Variants in FXR1 observed in about 807,000 individuals in gnomAD.
FXR1 encodes the protein FMR1 autosomal homolog 1, also known as RNA-binding protein FXR1.
FXR1 carries 15 observed loss-of-function variants against 84.0 expected under a neutral mutation model. The ratio of observed to expected loss-of-function variants is 0.18; its 90% confidence interval spans 0.12 to 0.27. The LOEUF (loss-of-function observed/expected upper bound fraction) is 0.27, where lower values mean the gene tolerates loss of function less well. Among genes scored for constraint, FXR1 ranks in the 10% least tolerant of loss-of-function variants. FXR1 has a pLI of 1.00. For missense variants in FXR1, 480 were observed against 774.4 expected (o/e 0.62, Z 4.51); for synonymous variants, 245 against 250.7 (o/e 0.98, Z 0.21).
intron 13 of FXR1, among the ~76,000 whole-genome samples, chr3:180,967,551 T>A (rs1712991679): frequency 6.6e-6 from 1 of 151,780 alleles, no homozygotes; most frequent in Non-Finnish European, 1.5e-5. Context: ...CTAATATTGA[T>A]AAATGATGTT....
chr3:180,915,054 A>G (rs1302911489), intron 1 of FXR1: 2 of 361,558 alleles, frequency 5.5e-6, no homozygotes, highest in Non-Finnish European at 7.8e-6. Flanking sequence ...CTCTCTGTCT[A>G]ACATGAGGGG....
At chr3:180,918,067 T>TA (rs1468340993) in intron 1 of FXR1, among the ~76,000 whole-genome samples, 1 of 152,098 alleles carries the variant, frequency 6.6e-6, no homozygotes, top group Non-Finnish European at 1.5e-5. Context: ...AAGCACATCT[T>TA]ACCTATCTAG....
intron 2 of FXR1, among the ~76,000 whole-genome samples, chr3:180,934,187 C>T (rs906564277): frequency 1.3e-5 from 2 of 152,100 alleles, no homozygotes; most frequent in Non-Finnish European, 2.9e-5. Context: ...CTGGAATTGC[C>T]TGAAAAGATC....
chr3:180,968,159 G>C lies in FXR1; in HGVS notation c.1307G>C (p.Arg436Pro). 2 of 1,613,648 alleles carry C rather than the reference G, an allele frequency of 1.2e-6. No homozygotes were observed. The highest frequency in any genetic ancestry group is 1.7e-6 in the Non-Finnish European group (2 of 1,179,518). ...GEDDRDSRHQ[R>P]DSRRRPGGRG... ...GATGATCGAGACAGCCGACATCAGC[G>C]TGACAGCAGGAGACGCCCAGGAGGA... The change falls in exon 14 of 17, where the codon CGT becomes CCT. Residue 436 changes from arginine to proline, a missense_variant. Around this residue, in one of 6 missense-constraint regions of FXR1, gnomAD observed 157 missense variants for 227.8 expected, o/e 0.69. Transcript: ENST00000357559.
rs1330291398 is a variant in FXR1, at chr3:180,949,288, T to C, written c.575T>C (p.Ile192Thr). The C allele has an allele frequency of 6.2e-7, 1 of 1,605,808 alleles. No homozygotes were observed. Among genetic ancestry groups the C allele is most frequent in the Non-Finnish European group, 8.5e-7 (1 of 1,172,352 alleles). ...TTAAGTGACATGCATTTGCGAAGTA[T>C]TCGTACGAAGTTGATGCTTATGTCC... ...NILSDMHLRS[I>T]RTKLMLMSRN... Residue 192 changes from isoleucine (I) to threonine (T), a missense_variant, in exon 7 of 17, where the codon ATT becomes ACT. By Grantham distance (89) the Ile-to-Thr change is moderately conservative (BLOSUM62 -1). Around this residue, in one of 6 missense-constraint regions of FXR1, gnomAD observed 136 missense variants for 315.4 expected, o/e 0.43. Coordinates refer to ENST00000357559, the MANE Select transcript of FXR1 (RefSeq NM_005087.4).
Position 180,932,153 on chromosome 3 carries a change from C to A in FXR1, c.52-1181C>A, listed in dbSNP as rs189689939. On this transcript the variant is annotated intron_variant, in intron 1 of 16. Transcript: ENST00000357559. ...TTCTCTTCTTTCTTTTGGGTTTATT[C>A]CTTCAAATCTCTTTACTGTTAGTTA... Among the ~76,000 whole-genome samples the A allele has an allele frequency of 2.2e-5, 3 of 136,300 alleles. No homozygotes were observed. In the East Asian group the frequency reaches 6.8e-4, roughly 31 times the overall value. The allele number at this position is 136,300 out of a possible 152,430, so 89.4% of individuals were successfully genotyped here.
chr3:180,933,477 T>C, intron 2 of FXR1, 91 bp downstream of exon 2: 1 of 742,546 alleles, frequency 1.3e-6, no homozygotes, highest in South Asian at 1.5e-5. Context: ...AGTGGAAAAA[T>C]GATTTTGCTT....
intron 9 of FXR1, among the ~76,000 whole-genome samples, chr3:180,957,223 A>G (rs978607171): frequency 7.2e-5 from 11 of 152,206 alleles, no homozygotes; most frequent in African/African-American, 2.4e-4. Flanking sequence ...ATGTAATTTT[A>G]CAATATTTTA....
intron 1 of FXR1, among the ~76,000 whole-genome samples, chr3:180,925,090 G>A (rs1471788067): frequency 5.3e-5 from 8 of 152,046 alleles, no homozygotes; most frequent in East Asian, 1.9e-4. Context: ...CTGGCCGGGC[G>A]CGATGGCTCA....
chr3:180,947,758 G>A, intron 3 of FXR1, 107 bp from the exon 4 acceptor site: 1 of 512,442 alleles, frequency 2.0e-6, no homozygotes, highest in Non-Finnish European at 3.5e-6. Flanking sequence ...AAATAAAATA[G>A]CATTTTTCAT....
chr3:180,916,447 ACAGTGGTGGGAGCG>A (rs913869269), intron 1 of FXR1, among the ~76,000 whole-genome samples: 12 of 152,312 alleles, frequency 7.9e-5, no homozygotes, highest in East Asian at 1.9e-4. Flanking sequence ...GGGTGGGAGC[ACAGTGGTGGGAGCG>A]CAGTGGTGCG....
intron 1 of FXR1, chr3:180,915,346 A>G: frequency 3.5e-6 from 2 of 578,498 alleles, no homozygotes; most frequent in Non-Finnish European, 6.0e-6. Context: ...TCAGTCAACC[A>G]TTCCTCAACC....
At chr3:180,956,648 A>T (rs946703407) in intron 9 of FXR1, among the ~76,000 whole-genome samples, 6 of 151,568 alleles carry the variant, frequency 4.0e-5, no homozygotes, top group Non-Finnish European at 8.8e-5. Context: ...TGCTGCTGCT[A>T]GGGCTGCTCA....
Position 180,982,618 on chromosome 3 carries a change from C to A in FXR1, c.*6326C>A, listed in dbSNP as rs577569690. The A allele has an allele frequency of 6.6e-6, 1 of 152,168 alleles. No individual in the cohort carries two copies. The highest frequency in any genetic ancestry group is 1.5e-5 in the Non-Finnish European group (1 of 68,016). The allele number at this position is 152,168 out of a possible 1,614,324, so 9.4% of individuals were successfully genotyped here. A position where few individuals can be genotyped will look rare whatever the true frequency, so the allele number is the denominator to read the frequency against. ...CCTTTTTAGAGTTAATGCTTCATTGCCTGTCGGCATATTATCACTATCTGT... is the reference window on the plus strand; with the variant it reads ...CCTTTTTAGAGTTAATGCTTCATTGACTGTCGGCATATTATCACTATCTGT... On this transcript the variant is annotated 3_prime_UTR_variant, in exon 17 of 17. Coordinates refer to ENST00000357559, the MANE Select transcript of FXR1 (RefSeq NM_005087.4).
In FXR1 at chr3:180,975,303, T is replaced by C. The variant is rs1254653028; in HGVS notation, c.1604-10T>C. 2 of 1,225,694 alleles carry C rather than the reference T, an allele frequency of 1.6e-6. No homozygotes were observed. The highest frequency in any genetic ancestry group is 2.3e-6 in the Non-Finnish European group (2 of 860,628). The allele number at this position is 1,225,694 out of a possible 1,614,324, so 75.9% of individuals were successfully genotyped here. A position where few individuals can be genotyped will look rare whatever the true frequency, so the allele number is the denominator to read the frequency against. On this transcript the variant is annotated splice_polypyrimidine_tract_variant and intron_variant, in intron 15 of 16. Coordinates refer to ENST00000357559, the MANE Select transcript of FXR1 (RefSeq NM_005087.4). ...TTCAACACCTGTAATTTTTTTCTCA[T>C]CTTTAACAGTCACAGTTGCAGATTA...
rs1386534688 is a variant in FXR1, at chr3:180,977,045, T to C, written c.*753T>C. ...GGTTTATTCTGTATAAACTACATGT[T>C]AGTCTTCAGTAGAGTATCTTTTTTT... On this transcript the variant is annotated 3_prime_UTR_variant, in exon 17 of 17. Transcript: ENST00000357559. 6.6e-6 allele frequency: 1 copy of C among 152,492 alleles called. No individual in the cohort carries two copies. Among genetic ancestry groups the C allele is most frequent in the East Asian group, 1.9e-4 (1 of 5,202 alleles). 9.4% of individuals were successfully genotyped at this position (152,492 alleles called of 1,614,324 possible).
chr3:180,948,590 G>A (rs1721921863), intron 5 of FXR1, 95 bp downstream of exon 5: 1 of 1,050,066 alleles, frequency 9.5e-7, no homozygotes, highest in African/African-American at 1.6e-5. Flanking sequence ...CAAACCTTCT[G>A]ATGGAAAATC....
chr3:180,947,719 T>C (rs376421237), intron 3 of FXR1, 146 bp from the exon 4 acceptor site: 3 of 441,004 alleles, frequency 6.8e-6, no homozygotes, highest in Non-Finnish European at 1.2e-5. Context: ...CATATCACTT[T>C]CTTTAAATTG....
chr3:180,954,910 G>A (rs1412629219), intron 9 of FXR1, among the ~76,000 whole-genome samples: 1 of 125,118 alleles, frequency 8.0e-6, no homozygotes, highest in East Asian at 2.3e-4. Context: ...TTAGTAAGTA[G>A]TATATTCAGG....
Sources: allele counts gnomAD v4.1 joint callset (sites outside exome capture counted in the v4.1 genomes callset), GRCh38; gene constraint gnomAD v4.1.1; regional missense constraint gnomAD v4.1.1; transcripts MANE v1.5; gene names NCBI Gene and HGNC (gene_info 2026-07-23, HGNC 2026-07-21).